Variants in CD2AP observed in about 807,000 individuals in gnomAD.
CD2AP encodes CD2-associated protein.
CD2AP carries 46 observed loss-of-function variants against 85.1 expected under a neutral mutation model. That is an observed-to-expected ratio of 0.54 (90% CI 0.43 to 0.69). The LOEUF (loss-of-function observed/expected upper bound fraction) is 0.69, where lower values mean the gene tolerates loss of function less well. Ranked by LOEUF, CD2AP falls within the 30% of genes least tolerant of loss-of-function variation. The pLI, the probability that CD2AP is intolerant of heterozygous loss-of-function variation, is 0.00. For synonymous variants in CD2AP, 255 were observed against 252.9 expected (o/e 1.01, Z -0.08); for missense variants, 769 against 729.5 (o/e 1.05, Z -0.62).
intron 6 of CD2AP, among the ~76,000 whole-genome samples, chr6:47,576,051 C>T (rs920607930): frequency 7.2e-5 from 11 of 152,014 alleles, no homozygotes; most frequent in African/African-American, 2.7e-4. Context: ...TTCTCAAGTG[C>T]TGTTGTTTTT....
intron 15 of CD2AP, 61 bp downstream of exon 15, chr6:47,608,089 A>G (rs1769323945): frequency 3.5e-6 from 4 of 1,133,266 alleles, no homozygotes; most frequent in Admixed American, 3.4e-5. Context: ...GACATCAAAC[A>G]TAGGGAATTT....
intron 17 of CD2AP, among the ~76,000 whole-genome samples, chr6:47,623,847 TAC>T (rs1258976341): frequency 6.6e-6 from 1 of 152,176 alleles, no homozygotes; most frequent in East Asian, 1.9e-4. Flanking sequence ...TAATTATAGA[TAC>T]ATGTACATTT....
chr6:47,500,940 G>A (rs146466127), intron 1 of CD2AP, among the ~76,000 whole-genome samples: 26 of 152,242 alleles, frequency 1.7e-4, no homozygotes, highest in African/African-American at 4.6e-4. Flanking sequence ...GTAGAGATGG[G>A]GTTTCACCAT....
At chr6:47,604,699 A>G (rs1447547061) in intron 13 of CD2AP, among the ~76,000 whole-genome samples, 1 of 152,082 alleles carries the variant, frequency 6.6e-6, no homozygotes, top group Non-Finnish European at 1.5e-5. Flanking sequence ...TACAAATAAC[A>G]TGACATTTAA....
chr6:47,531,889 A>G (rs1164006238), intron 2 of CD2AP, among the ~76,000 whole-genome samples: 2 of 152,086 alleles, frequency 1.3e-5, no homozygotes, highest in African/African-American at 4.8e-5. Context: ...CCTGGCCAAC[A>G]TGGTGAAACT....
At chr6:47,562,846 C>G in intron 5 of CD2AP, 9 of 950,876 alleles carry the variant, frequency 9.5e-6, no homozygotes, top group Non-Finnish European at 1.5e-5. Flanking sequence ...CCAAATCAAC[C>G]TAATGAAGGT....
chr6:47,525,855 G>T (rs1026585672), intron 2 of CD2AP, among the ~76,000 whole-genome samples: 2 of 151,972 alleles, frequency 1.3e-5, no homozygotes, highest in East Asian at 1.9e-4. Flanking sequence ...GGCAAGTTTT[G>T]TATTGACATT....
intron 5 of CD2AP, among the ~76,000 whole-genome samples, chr6:47,570,478 T>C (rs1250624316): frequency 1.3e-5 from 2 of 152,184 alleles, no homozygotes; most frequent in African/African-American, 4.8e-5. Flanking sequence ...TTTGTCTCAT[T>C]ATGGCACCTC....
intron 5 of CD2AP, among the ~76,000 whole-genome samples, chr6:47,563,425 A>T (rs576006684): frequency 6.6e-6 from 1 of 152,356 alleles, no homozygotes; most frequent in East Asian, 1.9e-4. Context: ...GCAACTTTCT[A>T]ATTCTTGAAG....
At chr6:47,576,464 TTTAACAGTA>T in intron 6 of CD2AP, 51 bp from the exon 7 acceptor site, 3 of 1,125,068 alleles carry the variant, frequency 2.7e-6, no homozygotes, top group Non-Finnish European at 4.1e-6. Context: ...GGAAACTTTG[TTTAACAGTA>T]TTATCTTTAT....
Position 47,624,405 on chromosome 6 carries a change from C to A in CD2AP, c.*178C>A. ...AATTTATATATATATTTTGTTTTGC[C>A]AATATGAAGAAAAAGAGGCCTTATT... On this transcript the variant is annotated 3_prime_UTR_variant, in exon 18 of 18. Coordinates refer to ENST00000359314, the MANE Select transcript of CD2AP (RefSeq NM_012120.3). 5.3e-6 allele frequency: 3 copies of A among 563,760 alleles called. No homozygotes were observed. Among genetic ancestry groups the A allele is most frequent in the Admixed American group, 6.4e-5 (2 of 31,308 alleles). 34.9% of individuals were successfully genotyped at this position (563,760 alleles called of 1,614,324 possible). A position where few individuals can be genotyped will look rare whatever the true frequency, so the allele number is the denominator to read the frequency against.
intron 2 of CD2AP, among the ~76,000 whole-genome samples, chr6:47,510,829 C>G (rs917218826): frequency 2.0e-5 from 3 of 151,972 alleles, no homozygotes; most frequent in African/African-American, 7.2e-5. Flanking sequence ...AATTCCAGCA[C>G]TTTGGGAGGC....
intron 13 of CD2AP, among the ~76,000 whole-genome samples, chr6:47,600,613 T>G (rs1240671119): frequency 6.6e-6 from 1 of 151,950 alleles, no homozygotes; most frequent in Non-Finnish European, 1.5e-5. Context: ...GAAATGTTGA[T>G]TGTATTTTAG....
chr6:47,489,464 C>T (rs546418577), intron 1 of CD2AP, among the ~76,000 whole-genome samples: 75 of 152,260 alleles, frequency 4.9e-4, no homozygotes, highest in African/African-American at 1.7e-3. Flanking sequence ...GCATGAGCCA[C>T]CGTGCCCGGC....
intron 4 of CD2AP, among the ~76,000 whole-genome samples, chr6:47,553,028 C>T (rs933675411): frequency 1.6e-4 from 24 of 151,556 alleles, no homozygotes; most frequent in African/African-American, 4.4e-4. Context: ...CTGTTTGCTC[C>T]TAACAGCATT....
rs572091824 is a variant in CD2AP at position 47,490,450 on chromosome 6, A to G, written c.4+12202A>G. ...TGAAACATGCTTAAAAATAATTTCT[A>G]GTGTTTTCTTGAAGTTAATAGTGGG... On this transcript the variant is annotated intron_variant, in intron 1 of 17. Coordinates refer to ENST00000359314, the MANE Select transcript of CD2AP (RefSeq NM_012120.3). 1.8e-4 allele frequency among the ~76,000 whole-genome samples: 28 copies of G among 152,244 alleles called. 1 individual carries two copies. The Middle Eastern group carries it at 0.01, about 55-fold the overall frequency.
chr6:47,597,868 T>C (rs996949753), intron 12 of CD2AP, among the ~76,000 whole-genome samples: 9 of 150,572 alleles, frequency 6.0e-5, no homozygotes, highest in African/African-American at 2.2e-4. Context: ...CCTGGAAAGA[T>C]TTCCTCTTTC....
At chr6:47,502,352 A>C (rs908456647) in intron 1 of CD2AP, among the ~76,000 whole-genome samples, 7 of 151,750 alleles carry the variant, frequency 4.6e-5, no homozygotes, top group African/African-American at 1.7e-4. Context: ...GGCTAGGCTC[A>C]CCAATGCCTT....
intron 4 of CD2AP, chr6:47,545,225 C>T (rs1767332999): frequency 6.4e-6 from 1 of 155,362 alleles, no homozygotes; most frequent in African/African-American, 2.4e-5. Context: ...ACATTGTGAA[C>T]TTTTGCTCCA....
Sources: allele counts gnomAD v4.1 joint callset (sites outside exome capture counted in the v4.1 genomes callset), GRCh38; gene constraint gnomAD v4.1.1; transcripts MANE v1.5; gene names NCBI Gene and HGNC (gene_info 2026-07-23, HGNC 2026-07-21).